The following ROBO2 variants were observed in gnomAD, a reference collection of about 807,000 sequenced individuals.
ROBO2 encodes the protein roundabout homolog 2.
ROBO2 carries 53 observed loss-of-function variants against 160.8 expected under a neutral mutation model. The observed-to-expected ratio is 0.33, with a 90% CI of 0.26 to 0.41. ROBO2 has a LOEUF of 0.41. Ranked by LOEUF, ROBO2 falls within the 10% of genes least tolerant of loss-of-function variation. The pLI is 1.00. For synonymous variants in ROBO2, 664 were observed against 611.7 expected (o/e 1.09, Z -1.26); for missense variants, 1,577 against 1,722.4 (o/e 0.92, Z 1.49).
chr3:76,444,915 A>G (rs13087864), intron 2 of ROBO2, among the ~76,000 whole-genome samples: 54,721 of 151,998 alleles, frequency 0.36, 9,925 homozygotes, highest in East Asian at 0.43. Flanking sequence ...ATGCCATTTC[A>G]TCAAAATTAT....
intron 1 of ROBO2, among the ~76,000 whole-genome samples, chr3:75,931,581 G>A (rs1272316660): frequency 6.6e-6 from 1 of 152,006 alleles, no homozygotes; most frequent in African/African-American, 2.4e-5. Flanking sequence ...TAAACTCCTG[G>A]ACTCAAGTGA....
intron 6 of ROBO2, among the ~76,000 whole-genome samples, chr3:77,531,632 C>T (rs923643115): frequency 6.6e-6 from 1 of 151,550 alleles, no homozygotes; most frequent in East Asian, 1.9e-4. Context: ...ATTTTGATAC[C>T]CCCATCTCCC....
intron 2 of ROBO2, among the ~76,000 whole-genome samples, chr3:77,375,896 G>A (rs888438500): frequency 2.7e-5 from 4 of 149,346 alleles, no homozygotes; most frequent in Non-Finnish European, 6.0e-5. Context: ...TGAAATTACC[G>A]ATGATTTCAG....
chr3:76,252,031 A>G (rs1309256186), intron 2 of ROBO2, among the ~76,000 whole-genome samples: 1 of 152,112 alleles, frequency 6.6e-6, no homozygotes, highest in South Asian at 2.1e-4. Flanking sequence ...ACTGGGGCTT[A>G]TGGTGGTTTT....
chr3:76,185,241 AT>A (rs1701706392), intron 2 of ROBO2, among the ~76,000 whole-genome samples: 1 of 51,354 alleles, frequency 1.9e-5, no homozygotes, highest in Admixed American at 2.5e-4. Flanking sequence ...TTATATATAC[AT>A]ATTTATGTAA....
At chr3:76,896,426 A>G (rs2074780741) in intron 2 of ROBO2, among the ~76,000 whole-genome samples, 1 of 152,104 alleles carries the variant, frequency 6.6e-6, no homozygotes, top group Non-Finnish European at 1.5e-5. Context: ...TGTATTGACT[A>G]CTTAAATCCT....
chr3:76,162,208 A>G (rs1000183148), intron 2 of ROBO2, among the ~76,000 whole-genome samples: 3 of 152,222 alleles, frequency 2.0e-5, no homozygotes, highest in Non-Finnish European at 4.4e-5. Context: ...ATCAAGTAAC[A>G]TACTGTCCAT....
At chr3:76,475,912 A>G (rs6548432) in intron 2 of ROBO2, among the ~76,000 whole-genome samples, 94,850 of 151,974 alleles carry the variant, frequency 0.62, 30,053 homozygotes, top group African/African-American at 0.73. Flanking sequence ...CAACACTTTG[A>G]GAGGCTGAGG....
At chr3:76,322,415 G>C (rs2072640318) in intron 2 of ROBO2, among the ~76,000 whole-genome samples, 1 of 151,464 alleles carries the variant, frequency 6.6e-6, no homozygotes, top group Non-Finnish European at 1.5e-5. Flanking sequence ...GTGTAACTTG[G>C]AGCCTCAAAT....
intron 24 of ROBO2, among the ~76,000 whole-genome samples, chr3:77,638,975 C>T (rs1256557029): frequency 2.6e-5 from 4 of 151,798 alleles, no homozygotes; most frequent in Non-Finnish European, 4.4e-5. Flanking sequence ...TACAGGCATC[C>T]ACCACCACAC....
At chr3:77,316,152 CA>C (rs917289501) in intron 2 of ROBO2, among the ~76,000 whole-genome samples, 1 of 151,880 alleles carries the variant, frequency 6.6e-6, no homozygotes, top group Non-Finnish European at 1.5e-5. Context: ...GGTGCAAGGA[CA>C]AAAAAACACA....
At chr3:76,903,033 A>G (rs1344183764) in intron 2 of ROBO2, among the ~76,000 whole-genome samples, 2 of 151,950 alleles carry the variant, frequency 1.3e-5, no homozygotes, top group Non-Finnish European at 2.9e-5. Flanking sequence ...TACAAGGAAT[A>G]TTTATTACCC....
At chr3:77,368,281 A>C (rs1054465413) in intron 2 of ROBO2, among the ~76,000 whole-genome samples, 1 of 152,226 alleles carries the variant, frequency 6.6e-6, no homozygotes, top group Non-Finnish European at 1.5e-5. Context: ...AATAAAGAAA[A>C]CCGAAGCTAT....
At chr3:76,566,158 G>A (rs1384933887) in intron 2 of ROBO2, among the ~76,000 whole-genome samples, 5 of 152,234 alleles carry the variant, frequency 3.3e-5, no homozygotes, top group Non-Finnish European at 5.9e-5. Flanking sequence ...ATACTGTGGA[G>A]GGTTGGGTAC....
At chr3:77,057,569 A>ATT (rs71104648) in intron 1 of ROBO2, among the ~76,000 whole-genome samples, 2,797 of 105,180 alleles carry the variant, frequency 0.027, 254 homozygotes, top group African/African-American at 0.061. Context: ...ATTCCAGAGG[A>ATT]TTTTTTTTTT....
intron 2 of ROBO2, among the ~76,000 whole-genome samples, chr3:77,466,716 C>T (rs1261092648): frequency 6.6e-6 from 1 of 152,182 alleles, no homozygotes. Flanking sequence ...ACCTTCTTTT[C>T]CTTTCAACCC....
chr3:76,768,647 A>G (rs1010792013), intron 2 of ROBO2, among the ~76,000 whole-genome samples: 25 of 150,542 alleles, frequency 1.7e-4, no homozygotes, highest in Admixed American at 1.2e-3. Flanking sequence ...TCAAAATGTA[A>G]TATAATATAT....
At chr3:77,230,337 G>A (rs62253283) in intron 2 of ROBO2, among the ~76,000 whole-genome samples, 4,181 of 152,106 alleles carry the variant, frequency 0.027, 65 homozygotes, top group Middle Eastern at 0.054. Flanking sequence ...TCCTCCCTTG[G>A]CCTCCTAAAT....
intron 2 of ROBO2, among the ~76,000 whole-genome samples, chr3:76,183,067 C>T (rs752599182): frequency 3.9e-5 from 6 of 152,056 alleles, no homozygotes; most frequent in Non-Finnish European, 7.4e-5. Context: ...ATTTAGCTGG[C>T]GAATGAGCTG....
Sources: allele counts gnomAD v4.1 joint callset (sites outside exome capture counted in the v4.1 genomes callset), GRCh38; gene constraint gnomAD v4.1.1; transcripts MANE v1.5; gene names NCBI Gene and HGNC (gene_info 2026-07-23, HGNC 2026-07-21).